The following ADGRG4 variants were observed in gnomAD, a reference collection of about 807,000 sequenced individuals.
ADGRG4 encodes the protein adhesion G protein-coupled receptor G4.
In ADGRG4, 122 loss-of-function variants were observed where a neutral mutation model predicts 126.2. The observed-to-expected ratio is 0.97, with a 90% CI of 0.83 to 1.12. The LOEUF is 1.12. Ranked by LOEUF, ADGRG4 falls within the 50% of genes most tolerant of loss-of-function variation. The pLI is 0.00. For synonymous variants in ADGRG4, 943 were observed against 838.7 expected, an observed-to-expected ratio of 1.12 and a Z score of -2.15; for missense variants, 2,481 against 2,251.8, an observed-to-expected ratio of 1.10 and a Z score of -2.06.
At chrX:136,321,897 G>A (rs1384090078) in intron 4 of ADGRG4, among the ~76,000 whole-genome samples, 1 of 112,215 alleles carries the variant, frequency 8.9e-6, no homozygotes, top group Non-Finnish European at 1.9e-5. Flanking sequence ...GCTATTATCT[G>A]GCATAGACTA....
chrX:136,348,615 C>T lies in ADGRG4; in HGVS notation c.4909C>T (p.Pro1637Ser). The change falls in exon 6 of 26, where the codon CCT becomes TCT. Residue 1637 changes from proline (P) to serine (S), a missense_variant. Coordinates refer to ENST00000394143, the MANE Select transcript of ADGRG4 (RefSeq NM_153834.4). ...SAFTTEMIEA[P>S]SRITPTTFLS... is the part of the protein sequence containing the mutation. ...TTTCACTACAGAAATGATAGAGGCA[C>T]CTTCCAGGATCACACCTACGACCTT... 1.7e-6 allele frequency: 2 copies of T among 1,210,503 alleles called. No individual in the cohort carries two copies.
intron 5 of ADGRG4, among the ~76,000 whole-genome samples, chrX:136,324,741 A>C (rs891177382): frequency 2.7e-5 from 3 of 111,827 alleles, no homozygotes; most frequent in African/African-American, 9.8e-5. Flanking sequence ...GTTCCCCATC[A>C]TTCTTTGAGC....
At chrX:136,350,902 T>C (rs2075058422) in intron 6 of ADGRG4, among the ~76,000 whole-genome samples, 1 of 111,501 alleles carries the variant, frequency 9.0e-6, no homozygotes, top group Non-Finnish European at 1.9e-5. Context: ...CTCCAATCCC[T>C]ACCTGCAGCT....
chrX:136,371,558 CT>C lies in ADGRG4; in HGVS notation c.7613+17del. On this transcript the variant is annotated intron_variant, in intron 14 of 25. Coordinates refer to ENST00000394143, the MANE Select transcript of ADGRG4 (RefSeq NM_153834.4). ...AATAAGCAATGAGTAAGTACTAATA[CT>C]TTGGTGAAAGACATTATTTTTAAAA... The C allele has an allele frequency of 9.7e-7, 1 of 1,028,841 alleles. No homozygotes were observed. The highest frequency in any genetic ancestry group is 1.9e-5 in the African/African-American group (1 of 52,879). 84.8% of individuals were successfully genotyped at this position (1,028,841 alleles called of 1,213,427 possible).
chrX:136,363,598 A>G lies in ADGRG4; in HGVS notation c.7396+3A>G. On this transcript the variant is annotated splice_donor_region_variant and intron_variant, in intron 13 of 25. Coordinates refer to ENST00000394143, the MANE Select transcript of ADGRG4 (RefSeq NM_153834.4). ...TGCTAATATTACCATAAGTGATGGT[A>G]AGATTGTTTTGTACATATAAGACAA... 1 of 1,072,697 alleles carries G rather than the reference A, an allele frequency of 9.3e-7. No homozygotes were observed. Among genetic ancestry groups the G allele is most frequent in the African/African-American group, 1.8e-5 (1 of 55,137 alleles). 88.4% of individuals were successfully genotyped at this position (1,072,697 alleles called of 1,213,427 possible). A position where few individuals can be genotyped will look rare whatever the true frequency, so the allele number is the denominator to read the frequency against.
chrX:136,373,037 C>T lies in ADGRG4; in HGVS notation c.7749C>T (p.His2583=), dbSNP rs772253238. ...HTFDGMAFSI[H]SYEEGTDPEI... is the part of the protein sequence containing the mutation. ...TTGATGGCATGGCTTTCAGCATTCACTCCTATGAAGAAGGCACAGACCCTG... is the reference window on the plus strand; with the variant it reads ...TTGATGGCATGGCTTTCAGCATTCATTCCTATGAAGAAGGCACAGACCCTG... Residue 2583 remains histidine, a synonymous_variant, in exon 15 of 26, where the codon CAC becomes CAT. Coordinates refer to ENST00000394143, the MANE Select transcript of ADGRG4 (RefSeq NM_153834.4). 2.2e-5 allele frequency: 26 copies of T among 1,207,409 alleles called. No individual in the cohort carries two copies. The highest frequency in any genetic ancestry group is 2.8e-5 in the Non-Finnish European group (25 of 894,075).
chrX:136,392,130 G>C, intron 16 of ADGRG4, 102 bp from the exon 17 acceptor site: 4 of 687,442 alleles, frequency 5.8e-6, no homozygotes, highest in Non-Finnish European at 8.4e-6. Flanking sequence ...CCACATTTCT[G>C]TACCTAACAT....
In ADGRG4 at chrX:136,397,943, C is replaced by T. The variant is rs917174614; in HGVS notation, c.8247C>T (p.Thr2749=). 6.7e-6 allele frequency: 8 copies of T among 1,195,038 alleles called. No individual in the cohort carries two copies. Among genetic ancestry groups the T allele is most frequent in the Admixed American group, 4.4e-5 (2 of 45,736 alleles). ...AGATATTAGCGCTTATAACATACAC[C>T]GGATGTGGAATCTCCTCCATTTTTC... ...NEQILALITY[T]GCGISSIFLG... Residue 2749 remains threonine (T), a synonymous_variant, in exon 20 of 26, where the codon ACC becomes ACT. Coordinates refer to ENST00000394143, the MANE Select transcript of ADGRG4 (RefSeq NM_153834.4).
intron 6 of ADGRG4, among the ~76,000 whole-genome samples, chrX:136,350,919 G>C (rs781104840): frequency 1.3e-3 from 146 of 111,507 alleles, no homozygotes; most frequent in African/African-American, 4.6e-3. Context: ...AGCTGACTAG[G>C]AGTGCTTGTC....
At chrX:136,362,056 T>C (rs887300417) in intron 12 of ADGRG4, among the ~76,000 whole-genome samples, 10 of 111,947 alleles carry the variant, frequency 8.9e-5, no homozygotes, top group Non-Finnish European at 1.9e-5. Flanking sequence ...TTGGAAACCA[T>C]CTAGTTGATG....
chrX:136,403,863 T>C (rs1387036078), intron 22 of ADGRG4, among the ~76,000 whole-genome samples: 1 of 112,131 alleles, frequency 8.9e-6, no homozygotes, highest in East Asian at 2.8e-4. Context: ...CCATTTGATG[T>C]ATAAGTTCAT....
At chrX:136,353,520 T>A (rs1283563845) in intron 8 of ADGRG4, 119 bp downstream of exon 8, 1 of 508,942 alleles carries the variant, frequency 2.0e-6, no homozygotes, top group East Asian at 3.5e-5. Flanking sequence ...ACATTTTTAG[T>A]TGCATCTTCC....
chrX:136,338,293 C>T (rs953024254), intron 5 of ADGRG4, among the ~76,000 whole-genome samples: 1 of 109,786 alleles, frequency 9.1e-6, no homozygotes, highest in African/African-American at 3.3e-5. Flanking sequence ...GAGTATCTGG[C>T]ACTCAACACC....
At position 136,359,414 on chromosome X, in the gene ADGRG4, C is replaced by T. The variant is rs1460763610; in HGVS notation, c.7103C>T (p.Thr2368Met). 72 of 1,205,364 alleles carry T rather than the reference C, an allele frequency of 6.0e-5. No homozygotes were observed. The highest frequency in any genetic ancestry group is 2.3e-4 in the Middle Eastern group (1 of 4,347). The change falls in exon 11 of 26, where the codon ACG becomes ATG. Residue 2368 changes from threonine (T) to methionine (M), a missense_variant. Coordinates refer to ENST00000394143, the MANE Select transcript of ADGRG4 (RefSeq NM_153834.4). ...THGNFTQDQL[T>M]LLVNCEHVAV... ...GGAAACTTCACACAAGATCAATTGA[C>T]GTTATTAGTAAACTGTGAACACGTT...
At chrX:136,339,880 C>T (rs945616028) in intron 5 of ADGRG4, among the ~76,000 whole-genome samples, 2 of 111,721 alleles carry the variant, frequency 1.8e-5, no homozygotes, top group Admixed American at 9.5e-5. Flanking sequence ...AGTGTGTATG[C>T]GTAGACAGAT....
intron 4 of ADGRG4, among the ~76,000 whole-genome samples, chrX:136,310,438 T>G (rs1445302281): frequency 1.8e-5 from 2 of 111,782 alleles, no homozygotes; most frequent in Non-Finnish European, 3.8e-5. Context: ...CAAACAAGTT[T>G]TTTTTGTAGG....
At chrX:136,301,725 T>G (rs774429025) in intron 1 of ADGRG4, among the ~76,000 whole-genome samples, 336 of 112,253 alleles carry the variant, frequency 3.0e-3, no homozygotes, top group Non-Finnish European at 4.9e-3. Flanking sequence ...GTCTAACATT[T>G]AAGTCTTTAA....
At chrX:136,353,437 A>G in intron 8 of ADGRG4, 36 bp downstream of exon 8, 1 of 964,852 alleles carries the variant, frequency 1.0e-6, no homozygotes, top group South Asian at 2.0e-5. Context: ...TCAAAGGGCA[A>G]TTTGAGGGCA....
At chrX:136,389,988 C>G (rs2075311149) in intron 16 of ADGRG4, among the ~76,000 whole-genome samples, 1 of 112,318 alleles carries the variant, frequency 8.9e-6, no homozygotes, top group Non-Finnish European at 1.9e-5. Flanking sequence ...ACTACTTTCT[C>G]TAATATTTTT....
Sources: allele counts gnomAD v4.1 joint callset (sites outside exome capture counted in the v4.1 genomes callset), GRCh38; gene constraint gnomAD v4.1.1; transcripts MANE v1.5; gene names NCBI Gene and HGNC (gene_info 2026-07-23, HGNC 2026-07-21).